The following ZDHHC14 variants were observed in gnomAD, a reference collection of about 807,000 sequenced individuals.
ZDHHC14 encodes the protein zDHHC palmitoyltransferase 14, also known as palmitoyltransferase ZDHHC14.
In ZDHHC14, 16 loss-of-function variants were observed where a neutral mutation model predicts 47.7. That is an observed-to-expected ratio of 0.34 (90% CI 0.23 to 0.51). The LOEUF is 0.51. ZDHHC14 is among the 20% of genes least tolerant of loss of function. ZDHHC14 has a pLI of 0.97. For synonymous variants in ZDHHC14, 293 were observed against 278.9 expected (o/e 1.05, Z -0.50); for missense variants, 515 against 662.5 (o/e 0.78, Z 2.44).
chr6:157,634,759 G>T (rs1315281961), intron 5 of ZDHHC14, among the ~76,000 whole-genome samples: 2 of 152,234 alleles, frequency 1.3e-5, no homozygotes, highest in Non-Finnish European at 2.9e-5. Context: ...CTGTGCGTGT[G>T]CAGGAGGCCT....
intron 2 of ZDHHC14, among the ~76,000 whole-genome samples, chr6:157,564,210 G>A (rs1782817999): frequency 6.6e-6 from 1 of 152,196 alleles, no homozygotes; most frequent in Non-Finnish European, 1.5e-5. Context: ...GCTGGTGCCT[G>A]CTCACTCATA....
rs1783718097 is a variant in ZDHHC14, at chr6:157,586,902, T to G, written c.407-6086T>G. ...GAATTCTAGCTTTCAGCATTTCACC[T>G]CTTTGTAACAGAGGTTCAATCTTTT... On this transcript the variant is annotated intron_variant, in intron 2 of 8. Transcript: ENST00000359775. The surrounding 1 kb of genome is among the most constrained non-coding windows in gnomAD (Gnocchi z 4.6). 6.6e-6 allele frequency among the ~76,000 whole-genome samples: 1 copy of G among 152,230 alleles called. No individual in the cohort carries two copies. Among genetic ancestry groups the G allele is most frequent in the South Asian group, 2.1e-4 (1 of 4,828 alleles).
intron 1 of ZDHHC14, among the ~76,000 whole-genome samples, chr6:157,539,328 C>A (rs941099329): frequency 6.6e-6 from 1 of 152,000 alleles, no homozygotes; most frequent in Non-Finnish European, 1.5e-5. Flanking sequence ...TCTTGAGCCC[C>A]AGGAGTTCAA....
At chr6:157,428,949 C>T (rs983307203) in intron 1 of ZDHHC14, among the ~76,000 whole-genome samples, 1 of 152,158 alleles carries the variant, frequency 6.6e-6, no homozygotes, top group Non-Finnish European at 1.5e-5. Context: ...CGGTTTTCCA[C>T]ATTCAGCACC....
chr6:157,672,701 TGCTG>T lies in ZDHHC14; in HGVS notation c.1069-20_1069-17del. 6.4e-7 allele frequency: 1 copy of T among 1,555,232 alleles called. No homozygotes were observed. On this transcript the variant is annotated intron_variant, in intron 8 of 8. Coordinates refer to ENST00000359775, the MANE Select transcript of ZDHHC14 (RefSeq NM_024630.3). ...TGCCCCCTCCTCTCCACCTTCTCTT[TGCTG>T]GCGCCTCCCGCTCTCCAGTGCGACC...
At chr6:157,455,767 T>C (rs1413542356) in intron 1 of ZDHHC14, among the ~76,000 whole-genome samples, 1 of 152,224 alleles carries the variant, frequency 6.6e-6, no homozygotes, top group Non-Finnish European at 1.5e-5. Flanking sequence ...CAAGCGGCTC[T>C]TGTTAGAAGG....
chr6:157,551,441 A>T (rs1489908865), intron 2 of ZDHHC14, among the ~76,000 whole-genome samples: 1 of 152,206 alleles, frequency 6.6e-6, no homozygotes, highest in African/African-American at 2.4e-5. Context: ...CCAGGTATAT[A>T]TAGCCCTCCT....
rs1293427915 is a variant in ZDHHC14 at position 157,676,349 on chromosome 6, CA to C, written c.*3231del. On this transcript the variant is annotated 3_prime_UTR_variant, in exon 9 of 9. Transcript: ENST00000359775. ...ATGCCATGTCCCCACCCTAAGCCAG[CA>C]AAATGCGAAATCTCTGTTCTGGCCC... The C allele has an allele frequency of 1.3e-5, 2 of 152,296 alleles. No individual in the cohort carries two copies. Among genetic ancestry groups the C allele is most frequent in the Non-Finnish European group, 2.9e-5 (2 of 68,062 alleles). The allele number at this position is 152,296 out of a possible 1,614,324, so 9.4% of individuals were successfully genotyped here.
chr6:157,559,956 A>G (rs991150138), intron 2 of ZDHHC14, among the ~76,000 whole-genome samples: 1 of 152,236 alleles, frequency 6.6e-6, no homozygotes, highest in Non-Finnish European at 1.5e-5. Flanking sequence ...AAACATGAAG[A>G]TGTTCATGAT....
intron 1 of ZDHHC14, among the ~76,000 whole-genome samples, chr6:157,526,780 G>C (rs1000748682): frequency 1.2e-4 from 19 of 152,188 alleles, no homozygotes; most frequent in Non-Finnish European, 2.4e-4. Flanking sequence ...ACTGACACAC[G>C]TGCGCCAGGG....
At chr6:157,398,487 C>T (rs1448314924) in intron 1 of ZDHHC14, among the ~76,000 whole-genome samples, 1 of 152,108 alleles carries the variant, frequency 6.6e-6, no homozygotes, top group Non-Finnish European at 1.5e-5. Flanking sequence ...GAAGCAGAGG[C>T]TGGAGGCCAG....
At chr6:157,441,377 C>A (rs1778557300) in intron 1 of ZDHHC14, among the ~76,000 whole-genome samples, 1 of 152,188 alleles carries the variant, frequency 6.6e-6, no homozygotes, top group Non-Finnish European at 1.5e-5. Context: ...GTTATTTGTT[C>A]TCTGTTGCTG....
intron 1 of ZDHHC14, among the ~76,000 whole-genome samples, chr6:157,474,948 T>G (rs1354905809): frequency 6.6e-6 from 1 of 152,202 alleles, no homozygotes; most frequent in East Asian, 1.9e-4. Flanking sequence ...CCTGTGCTTT[T>G]GGGGTCACAT....
At chr6:157,399,208 T>C (rs1777582181) in intron 1 of ZDHHC14, among the ~76,000 whole-genome samples, 1 of 9,252 alleles carries the variant, frequency 1.1e-4, no homozygotes, top group African/African-American at 1.8e-4. Context: ...TCACTCTTCT[T>C]TTGTTAGTAT....
At chr6:157,458,784 A>C (rs1778988722) in intron 1 of ZDHHC14, among the ~76,000 whole-genome samples, 1 of 151,188 alleles carries the variant, frequency 6.6e-6, no homozygotes, top group African/African-American at 2.4e-5. Flanking sequence ...TCAATTTACG[A>C]TATAACTATG....
intron 1 of ZDHHC14, among the ~76,000 whole-genome samples, chr6:157,540,753 A>G (rs999102838): frequency 6.6e-6 from 1 of 151,740 alleles, no homozygotes; most frequent in Non-Finnish European, 1.5e-5. Flanking sequence ...TTTTTTGGAA[A>G]ATTCTTTTCT....
At position 157,673,029 on chromosome 6, in the gene ZDHHC14, G is replaced by A. The variant is rs375268740; in HGVS notation, c.1374G>A (p.Ala458=). 2.9e-5 allele frequency: 45 copies of A among 1,563,852 alleles called. No homozygotes were observed. Among genetic ancestry groups the A allele is most frequent in the Middle Eastern group, 2.1e-4 (1 of 4,822 alleles). The change falls in exon 9 of 9, where the codon GCG becomes GCA. Residue 458 remains alanine (A), a synonymous_variant. Transcript: ENST00000359775. The surrounding 1 kb of genome is among the most constrained non-coding windows in gnomAD (Gnocchi z 5.4). ...TACTGGCGGCGGGCAGCCCCCTGGC[G>A]CACAGCCGCACCATGCACGTGCTGG... The part of the protein sequence containing the change: ...PRLLAAGSPL[A]HSRTMHVLGL...
At chr6:157,382,703 A>G (rs759405947) in intron 1 of ZDHHC14, among the ~76,000 whole-genome samples, 2 of 152,222 alleles carry the variant, frequency 1.3e-5, no homozygotes, top group Non-Finnish European at 2.9e-5. Context: ...CTGACAACAT[A>G]TAGGGCATCT....
chr6:157,440,376 A>C (rs1562425613), intron 1 of ZDHHC14, among the ~76,000 whole-genome samples: 1 of 152,158 alleles, frequency 6.6e-6, no homozygotes, highest in Non-Finnish European at 1.5e-5. Flanking sequence ...ACCCACCGGG[A>C]TTGTGATAAC....
Sources: gnomAD v4.1 joint callset for allele counts (sites outside exome capture counted in the v4.1 genomes callset) on GRCh38, gnomAD v4.1.1 for gene constraint, Gnocchi (gnomAD v3.1) non-coding constraint, MANE v1.5 for transcripts, NCBI Gene and HGNC (gene_info 2026-07-23, HGNC 2026-07-21) for gene names.